The following CCDC43 variants were observed in gnomAD, a reference collection of about 807,000 sequenced individuals.
CCDC43 encodes coiled-coil domain-containing protein 43.
In CCDC43, 20 loss-of-function variants were observed where a neutral mutation model predicts 33.3. The observed-to-expected ratio is 0.60, with a 90% confidence interval of 0.42 to 0.87. The LOEUF is 0.87. Ranked by LOEUF, CCDC43 falls within the 40% of genes least tolerant of loss-of-function variation. The pLI is 0.00. For synonymous variants in CCDC43, 104 were observed against 106.5 expected, an observed-to-expected ratio of 0.98 and a Z score of 0.14; for missense variants, 248 against 269.9, an observed-to-expected ratio of 0.92 and a Z score of 0.57.
At chr17:44,689,375 AC>A in intron 1 of CCDC43, 174 bp downstream of exon 1, 1 of 891,006 alleles carries the variant, frequency 1.1e-6, no homozygotes, top group Non-Finnish European at 1.7e-6. Flanking sequence ...CAGGCTTCCC[AC>A]ACCTGGTTGG....
In CCDC43 at chr17:44,677,851, T is replaced by C. The variant is rs1212140153; in HGVS notation, c.*1005A>G. On this transcript the variant is annotated 3_prime_UTR_variant, in exon 5 of 5. Coordinates refer to ENST00000315286, the MANE Select transcript of CCDC43 (RefSeq NM_144609.3). ...TTGCTGTCCTTAGGCTTCTAGACAA[T>C]CTGCTGCCTGAAGTCAAGTGGAGAA... 6.6e-6 allele frequency: 1 copy of C among 152,264 alleles called. No homozygotes were observed. The allele number at this position is 152,264 out of a possible 1,614,324, so 9.4% of individuals were successfully genotyped here. A position where few individuals can be genotyped will look rare whatever the true frequency, so the allele number is the denominator to read the frequency against.
chr17:44,679,139 C>T (rs1401745301), intron 4 of CCDC43, 96 bp from the exon 5 acceptor site: 1 of 892,568 alleles, frequency 1.1e-6, no homozygotes, highest in East Asian at 2.6e-5. Flanking sequence ...CCTGCTGAGT[C>T]CTGAATCGTC....
At chr17:44,689,345 C>G in intron 1 of CCDC43, 1 of 659,424 alleles carries the variant, frequency 1.5e-6, no homozygotes, top group Non-Finnish European at 2.5e-6. Flanking sequence ...AGCCCTTCCT[C>G]TCTGTGTACC....
rs1216332123 is a variant in CCDC43 at position 44,679,055 on chromosome 17, T to C, written c.488-12A>G. ...GTTTCGGAACAGAACTACAGGTGAG[T>C]TAAGGGATTAGGGTACAGGTCACAC... On this transcript the variant is annotated splice_polypyrimidine_tract_variant and intron_variant, in intron 4 of 4. Transcript: ENST00000315286. 1 of 1,610,246 alleles carries C rather than the reference T, an allele frequency of 6.2e-7. No individual in the cohort carries two copies. Among genetic ancestry groups the C allele is most frequent in the East Asian group, 2.2e-5 (1 of 44,850 alleles).
In CCDC43 at chr17:44,677,618, A is replaced by G. The variant is rs543267358; in HGVS notation, c.*1238T>C. 1 of 152,254 alleles carries G rather than the reference A, an allele frequency of 6.6e-6. No individual in the cohort carries two copies. Among genetic ancestry groups the G allele is most frequent in the East Asian group, 1.9e-4 (1 of 5,188 alleles). The allele number at this position is 152,254 out of a possible 1,614,324, so 9.4% of individuals were successfully genotyped here. ...AATCTCATAGTTAATGGTATAAAACAGAGATTGGCAAACCTTTCCTCCAAC... is the reference window on the plus strand; with the variant it reads ...AATCTCATAGTTAATGGTATAAAACGGAGATTGGCAAACCTTTCCTCCAAC... On this transcript the variant is annotated 3_prime_UTR_variant, in exon 5 of 5. Transcript: ENST00000315286.
At chr17:44,688,139 C>G (rs143107515) in intron 1 of CCDC43, 89 of 152,082 alleles carry the variant, frequency 5.9e-4, no homozygotes, top group African/African-American at 2.0e-3. Context: ...ACATTTATAT[C>G]TATATATATT....
At chr17:44,685,485 A>G (rs1307406447) in intron 1 of CCDC43, among the ~76,000 whole-genome samples, 1 of 152,210 alleles carries the variant, frequency 6.6e-6, no homozygotes, top group Non-Finnish European at 1.5e-5. Flanking sequence ...AGTGTTAGAG[A>G]TACTTAAGTT....
intron 1 of CCDC43, 29 bp downstream of exon 1, chr17:44,689,521 G>A (rs1472227211): frequency 1.9e-6 from 3 of 1,613,688 alleles, no homozygotes; most frequent in Non-Finnish European, 2.5e-6. Flanking sequence ...GCTGGCCAGA[G>A]GCTGAAGGAA....
In CCDC43 at chr17:44,682,034, C is replaced by G. The variant is rs372972639; in HGVS notation, c.397G>C (p.Ala133Pro). 4.3e-6 allele frequency: 7 copies of G among 1,613,876 alleles called. No homozygotes were observed. The African/African-American group carries it at 9.3e-5, about 22-fold the overall frequency. The change falls in exon 3 of 5, where the codon GCC (alanine) becomes CCC (proline). Residue 133 changes from alanine (A) to proline (P), a missense_variant. Transcript: ENST00000315286. Reference protein sequence around the residue: ...EEKQRKAALLAQYADVTDEED... With the variant: ...EEKQRKAALLPQYADVTDEED... ...TCATCTGTCACATCAGCATACTGGGCCAGGAGGGCAGCTTTTCTCTGCTTC... is the reference window on the plus strand; with the variant it reads ...TCATCTGTCACATCAGCATACTGGGGCAGGAGGGCAGCTTTTCTCTGCTTC...
Position 44,678,946 on chromosome 17 carries a change from G to C in CCDC43, c.585C>G (p.Asp195Glu), listed in dbSNP as rs1972116046. 1.2e-6 allele frequency: 2 copies of C among 1,613,216 alleles called. No individual in the cohort carries two copies. Among genetic ancestry groups the C allele is most frequent in the Non-Finnish European group, 1.7e-6 (2 of 1,179,754 alleles). ...RDESQRKKEQ[D>E]KLQRERDKLA... is the part of the protein sequence containing the mutation. ...GTTTGTCTCTCTCCCTCTGCAGCTTGTCCTGTTCCTTCTTCCTTTGGGATT... is the reference window on the plus strand; with the variant it reads ...GTTTGTCTCTCTCCCTCTGCAGCTTCTCCTGTTCCTTCTTCCTTTGGGATT... The change falls in exon 5 of 5, where the codon GAC (aspartate) becomes GAG (glutamate). Residue 195 changes from aspartate to glutamate, a missense_variant. Physicochemically the swap from Asp to Glu is conservative, Grantham distance 45 (BLOSUM62 2). Coordinates refer to ENST00000315286, the MANE Select transcript of CCDC43 (RefSeq NM_144609.3).
rs1972170388 is a variant in CCDC43 at position 44,682,027 on chromosome 17, T to C, written c.404A>G (p.Tyr135Cys). 14 of 1,614,026 alleles carry C rather than the reference T, an allele frequency of 8.7e-6. No homozygotes were observed. Among genetic ancestry groups the C allele is most frequent in the Admixed American group, 3.3e-5 (2 of 60,018 alleles). Reference protein sequence around the residue: ...KQRKAALLAQYADVTDEEDEA... With the variant: ...KQRKAALLAQCADVTDEEDEA... Reference sequence around the variant, plus strand: ...TTCCTCTTCATCTGTCACATCAGCATACTGGGCCAGGAGGGCAGCTTTTCT... The same window carrying C: ...TTCCTCTTCATCTGTCACATCAGCACACTGGGCCAGGAGGGCAGCTTTTCT... The change falls in exon 3 of 5, where the codon TAT (tyrosine) becomes TGT (cysteine). Residue 135 changes from tyrosine (Y) to cysteine (C), a missense_variant. By Grantham distance (194) the Tyr-to-Cys change is radical (BLOSUM62 -2). Transcript: ENST00000315286.
intron 3 of CCDC43, among the ~76,000 whole-genome samples, chr17:44,681,266 G>A (rs1972157030): frequency 6.6e-6 from 1 of 152,124 alleles, no homozygotes; most frequent in Non-Finnish European, 1.5e-5. Context: ...GTGAAACACT[G>A]TCTCTACTAA....
intron 2 of CCDC43, among the ~76,000 whole-genome samples, chr17:44,683,570 A>G (rs1266635547): frequency 6.6e-6 from 1 of 152,136 alleles, no homozygotes; most frequent in African/African-American, 2.4e-5. Flanking sequence ...AGTGGTAAAA[A>G]TATAGTTGAC....
Position 44,678,950 on chromosome 17 carries a change from T to G in CCDC43, c.581A>C (p.Gln194Pro). Residue 194 changes from glutamine to proline, a missense_variant, in exon 5 of 5, where the codon CAG becomes CCG. Transcript: ENST00000315286. ...GTCTCTCTCCCTCTGCAGCTTGTCC[T>G]GTTCCTTCTTCCTTTGGGATTCATC... ...LRDESQRKKE[Q>P]DKLQRERDKL... The G allele has an allele frequency of 6.2e-7, 1 of 1,613,942 alleles. No individual in the cohort carries two copies. The highest frequency in any genetic ancestry group is 8.5e-7 in the Non-Finnish European group (1 of 1,179,874).
chr17:44,682,869 A>T (rs1174111633), intron 2 of CCDC43, among the ~76,000 whole-genome samples: 1 of 151,680 alleles, frequency 6.6e-6, no homozygotes, highest in Non-Finnish European at 1.5e-5. Context: ...AAAAAAAAAT[A>T]TTTTGCCATG....
At chr17:44,689,259 T>C in intron 1 of CCDC43, 1 of 452,492 alleles carries the variant, frequency 2.2e-6, no homozygotes, top group Non-Finnish European at 4.0e-6. Flanking sequence ...ATTCTGACAT[T>C]TCAATGCCTT....
At position 44,689,730 on chromosome 17, in the gene CCDC43, G is replaced by C. The variant is rs1328109313; in HGVS notation, c.24C>G (p.Ala8=). 8 of 1,576,534 alleles carry C rather than the reference G, an allele frequency of 5.1e-6. No homozygotes were observed. The highest frequency in any genetic ancestry group is 1.2e-5 in the South Asian group (1 of 86,728). ...CATCGCCTTCGCCAGGGGCTATCGCGGCCACTTCGCTGGGCGCCGCCATCT... is the reference window on the plus strand; with the variant it reads ...CATCGCCTTCGCCAGGGGCTATCGCCGCCACTTCGCTGGGCGCCGCCATCT... MAAPSEV[A]AIAPGEGDGG... is the part of the protein sequence containing the mutation. Residue 8 remains alanine (A), a synonymous_variant, in exon 1 of 5, where the codon GCC becomes GCG. Coordinates refer to ENST00000315286, the MANE Select transcript of CCDC43 (RefSeq NM_144609.3).
At position 44,678,593 on chromosome 17, in the gene CCDC43, C is replaced by A; in HGVS notation, c.*263G>T. On this transcript the variant is annotated 3_prime_UTR_variant, in exon 5 of 5. Transcript: ENST00000315286. ...GACTTTTTAAAGTGGCCAAAAGGAG[C>A]ACAGGACTTGAGTATTAAAATATAA... is the stretch of plus-strand genomic sequence containing the variant. 3.1e-6 allele frequency: 1 copy of A among 327,238 alleles called. No homozygotes were observed. The highest frequency in any genetic ancestry group is 5.5e-6 in the Non-Finnish European group (1 of 180,498). 20.3% of individuals were successfully genotyped at this position (327,238 alleles called of 1,614,324 possible). A position where few individuals can be genotyped will look rare whatever the true frequency, so the allele number is the denominator to read the frequency against.
chr17:44,687,806 A>C (rs933979110), intron 1 of CCDC43: 1 of 152,142 alleles, frequency 6.6e-6, no homozygotes, highest in Non-Finnish European at 1.5e-5. Context: ...ATAATCTGTA[A>C]TGTTGTGGTC....
Sources: gnomAD v4.1 joint callset for allele counts (sites outside exome capture counted in the v4.1 genomes callset) on GRCh38, gnomAD v4.1.1 for gene constraint, MANE v1.5 for transcripts, NCBI Gene and HGNC (gene_info 2026-07-23, HGNC 2026-07-21) for gene names.